The following APPL1 variants were observed in gnomAD, a reference collection of about 807,000 sequenced individuals.
The protein encoded by APPL1 is DCC-interacting protein 13-alpha.
Under a neutral mutation model 106.8 loss-of-function variants are expected in APPL1, and 42 were observed. The ratio of observed to expected loss-of-function variants is 0.39; its 90% CI spans 0.31 to 0.51. The LOEUF (loss-of-function observed/expected upper bound fraction) is 0.51. Among genes scored for constraint, APPL1 ranks in the 20% least tolerant of loss-of-function variants. The pLI, the probability that APPL1 is intolerant of heterozygous loss-of-function variation, is 0.75. For synonymous variants in APPL1, 263 were observed against 281.8 expected (o/e 0.93, Z 0.67); for missense variants, 769 against 858.2 (o/e 0.90, Z 1.30).
At position 57,260,708 on chromosome 3, in the gene APPL1, C is replaced by T. The variant is rs142605137; in HGVS notation, c.1776C>T (p.Ser592=). 1.7e-4 allele frequency: 277 copies of T among 1,612,366 alleles called. No homozygotes were observed. Among genetic ancestry groups the T allele is most frequent in the East Asian group, 8.3e-4 (37 of 44,768 alleles). The change falls in exon 19 of 22, where the codon AGC becomes AGT. Residue 592 remains serine, a synonymous_variant. Transcript: ENST00000288266. ...TTGGATTTGTTCTTCGGACATCAAG[C>T]GGGAGAAGTGAAAGTAATCTGTCAT... ...RLFGFVLRTS[S]GRSESNLSSV...
rs1258347085 is a variant in APPL1, at chr3:57,242,229, TG to T, written c.415+88del. On this transcript the variant is annotated intron_variant, in intron 6 of 21. Coordinates refer to ENST00000288266, the MANE Select transcript of APPL1 (RefSeq NM_012096.3). Reference sequence around the variant, plus strand: ...CTGTGGCCAGATTCTTTGTAATAATTGAAAAAAAACCAATTAAAAATAAGTG... The same window carrying T: ...CTGTGGCCAGATTCTTTGTAATAATTAAAAAAAACCAATTAAAAATAAGTG... The T allele has an allele frequency of 5.2e-5, 54 of 1,048,334 alleles. No homozygotes were observed. In the South Asian group the frequency reaches 8.4e-4, roughly 16 times the overall value. 64.9% of individuals were successfully genotyped at this position (1,048,334 alleles called of 1,614,324 possible). A position where few individuals can be genotyped will look rare whatever the true frequency, so the allele number is the denominator to read the frequency against.
Position 57,270,084 on chromosome 3 carries a change from T to TG in APPL1, c.*397_*398insG, listed in dbSNP as rs1411513309. ...ATGCTTTTCTTTCATTAGGAACATT[T>TG]TGCTGGTGATGAGGAAGCATTTAGC... On this transcript the variant is annotated 3_prime_UTR_variant, in exon 22 of 22. Coordinates refer to ENST00000288266, the MANE Select transcript of APPL1 (RefSeq NM_012096.3). The TG allele has an allele frequency of 6.4e-6, 1 of 155,654 alleles. No homozygotes were observed. The highest frequency in any genetic ancestry group is 1.4e-5 in the Non-Finnish European group (1 of 70,118). 9.6% of individuals were successfully genotyped at this position (155,654 alleles called of 1,614,324 possible).
At chr3:57,240,698 T>G in intron 5 of APPL1, 146 bp downstream of exon 5, 1 of 643,154 alleles carries the variant, frequency 1.6e-6, no homozygotes, top group Non-Finnish European at 2.7e-6. Context: ...TAGGAGCTCC[T>G]GCTAGATGTC....
At chr3:57,241,387 A>G (rs1263182527) in intron 5 of APPL1, among the ~76,000 whole-genome samples, 1 of 152,178 alleles carries the variant, frequency 6.6e-6, no homozygotes, top group Non-Finnish European at 1.5e-5. Flanking sequence ...AGGTGATACA[A>G]TGAGAGTTTT....
chr3:57,259,613 T>C (rs1041417527), intron 16 of APPL1, among the ~76,000 whole-genome samples: 2 of 152,136 alleles, frequency 1.3e-5, no homozygotes, highest in African/African-American at 4.8e-5. Flanking sequence ...TGCCAGTTGT[T>C]GAAGCATTAC....
intron 19 of APPL1, 129 bp downstream of exon 19, chr3:57,260,903 A>G: frequency 5.4e-6 from 6 of 1,102,066 alleles, no homozygotes; most frequent in Non-Finnish European, 6.2e-6. Flanking sequence ...TACAATTTAT[A>G]CAAATTTATG....
At chr3:57,262,351 T>C (rs1478895972) in intron 19 of APPL1, among the ~76,000 whole-genome samples, 7 of 150,726 alleles carry the variant, frequency 4.6e-5, no homozygotes, top group African/African-American at 1.7e-4. Flanking sequence ...CCCTTCATTT[T>C]CTTCTAGTGT....
At chr3:57,242,536 C>T (rs1327220717) in intron 6 of APPL1, among the ~76,000 whole-genome samples, 1 of 152,160 alleles carries the variant, frequency 6.6e-6, no homozygotes, top group Admixed American at 6.5e-5. Flanking sequence ...GATCCTGCTG[C>T]CCCATCCTCC....
At position 57,249,470 on chromosome 3, in the gene APPL1, T is replaced by C. The variant is rs769833871; in HGVS notation, c.974T>C (p.Ile325Thr). The change falls in exon 11 of 22, where the codon ATA becomes ACA. Residue 325 changes from isoleucine to threonine, a missense_variant. Transcript: ENST00000288266. ...GDVAGGLAMDIDNCSVMAVDC... is the reference protein window; with the variant it reads ...GDVAGGLAMDTDNCSVMAVDC... ...GTAGCAGGAGGCCTGGCCATGGACA[T>C]AGACAACTGTTCAGTGATGGCTGTG... 1.2e-6 allele frequency: 2 copies of C among 1,614,168 alleles called. No individual in the cohort carries two copies. The highest frequency in any genetic ancestry group is 1.7e-6 in the Non-Finnish European group (2 of 1,180,026).
intron 3 of APPL1, 65 bp downstream of exon 3, chr3:57,237,616 C>G: frequency 8.6e-7 from 1 of 1,156,124 alleles, no homozygotes; most frequent in Admixed American, 2.8e-5. Flanking sequence ...GATAGACTTT[C>G]AACAAGAATC....
At chr3:57,255,490 G>A (rs1482620197) in intron 13 of APPL1, among the ~76,000 whole-genome samples, 2 of 152,166 alleles carry the variant, frequency 1.3e-5, no homozygotes, top group Non-Finnish European at 2.9e-5. Flanking sequence ...AAGAATTTGG[G>A]AAAGAAGAGT....
chr3:57,239,914 T>C (rs2060736417), intron 4 of APPL1, among the ~76,000 whole-genome samples: 1 of 152,150 alleles, frequency 6.6e-6, no homozygotes, highest in Non-Finnish European at 1.5e-5. Context: ...TGAAATGGTA[T>C]CTCATTGTGG....
At chr3:57,248,477 T>A (rs1294525337) in intron 10 of APPL1, 126 bp downstream of exon 10, 1 of 1,090,220 alleles carries the variant, frequency 9.2e-7, no homozygotes, top group East Asian at 2.6e-5. Flanking sequence ...TTAGAGGTGT[T>A]AGTATTTATG....
chr3:57,267,077 T>A (rs2060898356), intron 19 of APPL1, among the ~76,000 whole-genome samples: 2 of 152,234 alleles, frequency 1.3e-5, no homozygotes, highest in African/African-American at 4.8e-5. Flanking sequence ...GCTATTTGCA[T>A]TGAACCTATA....
At chr3:57,229,699 CTTTT>C (rs753258836) in intron 1 of APPL1, among the ~76,000 whole-genome samples, 13 of 93,138 alleles carry the variant, frequency 1.4e-4, no homozygotes, top group South Asian at 3.6e-4. Context: ...ACTGTGCCAG[CTTTT>C]TTTTTTTTTT....
At chr3:57,250,729 TGATA>T (rs1187546611) in intron 11 of APPL1, among the ~76,000 whole-genome samples, 1 of 152,004 alleles carries the variant, frequency 6.6e-6, no homozygotes, top group Admixed American at 6.5e-5. Flanking sequence ...ATTTTCCTAA[TGATA>T]GATGTTTAGA....
At chr3:57,247,573 G>T in intron 9 of APPL1, 96 bp downstream of exon 9, 1 of 816,778 alleles carries the variant, frequency 1.2e-6, no homozygotes, top group Non-Finnish European at 1.9e-6. Flanking sequence ...ACTTTCCTGA[G>T]GGAATATTTT....
At chr3:57,268,268 C>A (rs2060908277) in intron 20 of APPL1, 130 bp from the exon 21 acceptor site, 5 of 896,566 alleles carry the variant, frequency 5.6e-6, no homozygotes, top group African/African-American at 5.0e-5. Flanking sequence ...TGAATATAAA[C>A]TGTTGATGTG....
chr3:57,250,281 C>T (rs1215449188), intron 11 of APPL1, among the ~76,000 whole-genome samples: 4 of 152,192 alleles, frequency 2.6e-5, no homozygotes, highest in Non-Finnish European at 5.9e-5. Context: ...GCTAGGATCA[C>T]AGGTGCATGC....
Sources: allele counts gnomAD v4.1 joint callset (sites outside exome capture counted in the v4.1 genomes callset), GRCh38; gene constraint gnomAD v4.1.1; transcripts MANE v1.5; gene names NCBI Gene and HGNC (gene_info 2026-07-23, HGNC 2026-07-21).